ANXA8: variants seen among roughly 807,000 people sequenced by gnomAD.
ANXA8 encodes the protein annexin A8, also known as VAC-beta.
Under a neutral mutation model 26.8 loss-of-function variants are expected in ANXA8, and 9 were observed. The ratio of observed to expected loss-of-function variants is 0.34; its 90% CI spans 0.20 to 0.59. ANXA8 has a LOEUF of 0.59. Among genes scored for constraint, ANXA8 ranks in the 20% least tolerant of loss-of-function variants. The pLI is 0.84. For missense variants in ANXA8, 83 were observed against 238.5 expected (o/e 0.35, Z 4.29); for synonymous variants, 39 against 94.8 (o/e 0.41, Z 3.42).
At chr10:47,970,353 G>A in the ANXA8 span, 1 of 151,270 alleles carries the variant, frequency 6.6e-6, no homozygotes, top group Non-Finnish European at 1.5e-5. Flanking sequence ...TTGTGGCACT[G>A]AAGAATGTTC....
chr10:47,975,802 C>T, the ANXA8 span, among the ~76,000 whole-genome samples: 1 of 143,564 alleles, frequency 7.0e-6, no homozygotes. Context: ...ACAGACAGGC[C>T]CTGTTTTAAA....
the ANXA8 span, among the ~76,000 whole-genome samples, chr10:47,495,801 C>T: frequency 1.1e-3 from 159 of 150,916 alleles, no homozygotes; most frequent in African/African-American, 3.8e-3. Context: ...ACGCAGGAAG[C>T]CAGGGAAGTG....
chr10:47,947,530 T>C, the ANXA8 span, among the ~76,000 whole-genome samples: 1 of 150,146 alleles, frequency 6.7e-6, no homozygotes, highest in African/African-American at 2.5e-5. Flanking sequence ...GTCTTTAGTG[T>C]TGGAGGAGAG....
chr10:47,718,302 C>T, the ANXA8 span, among the ~76,000 whole-genome samples: 2 of 123,888 alleles, frequency 1.6e-5, no homozygotes, highest in Non-Finnish European at 3.3e-5. Context: ...AAATCCCCAT[C>T]TCCACAAAAA....
the ANXA8 span, among the ~76,000 whole-genome samples, chr10:47,720,788 T>C: frequency 1.4e-5 from 2 of 140,280 alleles, 1 homozygote; most frequent in Non-Finnish European, 3.1e-5. Context: ...ATGTTTGTTA[T>C]AAATAAGTGA....
the ANXA8 span, among the ~76,000 whole-genome samples, chr10:47,658,034 CT>C: frequency 4.0e-5 from 6 of 151,766 alleles, 1 homozygote; most frequent in African/African-American, 1.5e-4. Context: ...TGTGAAGTAT[CT>C]TTTCCAAAGT....
the ANXA8 span, among the ~76,000 whole-genome samples, chr10:47,958,997 A>G: frequency 6.7e-6 from 1 of 150,254 alleles, no homozygotes; most frequent in African/African-American, 2.5e-5. Flanking sequence ...CAACGATGTT[A>G]TCCTGTCAGA....
At chr10:47,551,103 C>G in the ANXA8 span, among the ~76,000 whole-genome samples, 2 of 151,606 alleles carry the variant, frequency 1.3e-5, no homozygotes, top group African/African-American at 4.9e-5. Flanking sequence ...AAATTAAACA[C>G]ACCTTAAATC....
the ANXA8 span, among the ~76,000 whole-genome samples, chr10:47,955,021 A>T: frequency 6.8e-6 from 1 of 147,908 alleles, no homozygotes; most frequent in Non-Finnish European, 1.5e-5. Flanking sequence ...CCCAAATCTC[A>T]TCTTGAATTC....
the ANXA8 span, among the ~76,000 whole-genome samples, chr10:47,619,062 C>T: frequency 1.9e-4 from 22 of 112,998 alleles, 4 homozygotes; most frequent in South Asian, 3.7e-3. Context: ...TGATCATTTG[C>T]TAAGAGAGGG....
At chr10:47,771,495 C>T in the ANXA8 span, among the ~76,000 whole-genome samples, 1 of 151,580 alleles carries the variant, frequency 6.6e-6, no homozygotes, top group African/African-American at 2.4e-5. Flanking sequence ...ACACCAAATA[C>T]TTTACTTACA....
At chr10:47,652,371 T>A in the ANXA8 span, among the ~76,000 whole-genome samples, 3 of 151,548 alleles carry the variant, frequency 2.0e-5, no homozygotes, top group Non-Finnish European at 4.4e-5. Context: ...CCGAGGCGAG[T>A]GGATCACTTG....
At chr10:47,488,163 C>T (rs1326039906), upstream of ANXA8, among the ~76,000 whole-genome samples, 477 of 132,662 alleles carry the variant, frequency 3.6e-3, 4 homozygotes, top group African/African-American at 0.013. Context: ...TCCCATCCTC[C>T]AGGAGTGTGA....
At chr10:47,656,193 T>C in the ANXA8 span, among the ~76,000 whole-genome samples, 2 of 151,770 alleles carry the variant, frequency 1.3e-5, no homozygotes, top group East Asian at 3.9e-4. Flanking sequence ...GCCCAGGAGT[T>C]TGAAACCAGC....
At chr10:47,692,609 G>A in the ANXA8 span, 3 of 101,464 alleles carry the variant, frequency 3.0e-5, no homozygotes, top group African/African-American at 1.1e-4. Flanking sequence ...CTATATTGAT[G>A]GCAAGCTTAG....
At chr10:47,733,263 CTTTCTT>C in the ANXA8 span, among the ~76,000 whole-genome samples, 4 of 95,040 alleles carry the variant, frequency 4.2e-5, no homozygotes, top group Non-Finnish European at 6.3e-5. Flanking sequence ...TTCTTTCTTT[CTTTCTT>C]TCTTTCTTTC....
chr10:47,558,269 C>T, the ANXA8 span, among the ~76,000 whole-genome samples: 4 of 151,862 alleles, frequency 2.6e-5, no homozygotes, highest in African/African-American at 9.7e-5. Flanking sequence ...GGTGGTGTGT[C>T]TTCAGTTTCC....
At chr10:47,644,189 A>T in the ANXA8 span, among the ~76,000 whole-genome samples, 5 of 145,890 alleles carry the variant, frequency 3.4e-5, no homozygotes, top group African/African-American at 1.1e-4. Context: ...AAATATGCAT[A>T]AAAACTGCAC....
chr10:47,746,944 A>AT, the ANXA8 span, among the ~76,000 whole-genome samples: 1 of 123,370 alleles, frequency 8.1e-6, no homozygotes, highest in Non-Finnish European at 1.7e-5. Flanking sequence ...AATTCTGAGA[A>AT]TTTTTTTTCT....
Sources: allele counts gnomAD v4.1 joint callset (sites outside exome capture counted in the v4.1 genomes callset), GRCh38; gene constraint gnomAD v4.1.1; transcripts MANE v1.5; gene names NCBI Gene and HGNC (gene_info 2026-07-23, HGNC 2026-07-21).